Variants in RBM33 observed in about 807,000 individuals in gnomAD.
RBM33 encodes RNA binding motif protein 33, also known as RNA-binding protein 33.
In RBM33, 28 loss-of-function variants were observed where a neutral mutation model predicts 132.6. That is an observed-to-expected ratio of 0.21 (90% CI 0.16 to 0.29). The LOEUF is 0.29. Ranked by LOEUF, RBM33 falls within the 10% of genes least tolerant of loss-of-function variation. The pLI is 1.00. For missense variants in RBM33, 1,291 were observed against 1,518.5 expected, an observed-to-expected ratio of 0.85 and a Z score of 2.49; for synonymous variants, 634 against 593.0, an observed-to-expected ratio of 1.07 and a Z score of -1.01.
At chr7:155,711,146 TTTTG>T (rs1249812239) in intron 7 of RBM33, 53 bp from the exon 8 acceptor site, 1 of 1,444,276 alleles carries the variant, frequency 6.9e-7, no homozygotes, top group East Asian at 2.7e-5. Flanking sequence ...TTCGGTGAAC[TTTTG>T]TTTTTTTTTT....
intron 9 of RBM33, among the ~76,000 whole-genome samples, chr7:155,733,294 G>A (rs574091757): frequency 6.6e-6 from 1 of 152,278 alleles, no homozygotes; most frequent in East Asian, 1.9e-4. Context: ...TAGTAATTTT[G>A]ATAAGATTTC....
intron 3 of RBM33, among the ~76,000 whole-genome samples, chr7:155,677,471 A>G (rs1285945268): frequency 1.3e-5 from 2 of 152,094 alleles, no homozygotes; most frequent in Non-Finnish European, 2.9e-5. Flanking sequence ...TGGCCTCCCA[A>G]AGTGTTGGGA....
At chr7:155,708,767 T>G (rs1443246482) in intron 7 of RBM33, among the ~76,000 whole-genome samples, 1 of 152,228 alleles carries the variant, frequency 6.6e-6, no homozygotes, top group Non-Finnish European at 1.5e-5. Context: ...AGATCAGGAC[T>G]GTGGTATCCT....
chr7:155,655,280 T>G (rs1563128843), intron 1 of RBM33, among the ~76,000 whole-genome samples: 1 of 152,242 alleles, frequency 6.6e-6, no homozygotes, highest in Non-Finnish European at 1.5e-5. Flanking sequence ...TTTAAAATTC[T>G]TATTGCTGCC....
intron 1 of RBM33, among the ~76,000 whole-genome samples, chr7:155,656,989 A>G (rs757521422): frequency 6.7e-6 from 1 of 149,476 alleles, no homozygotes; most frequent in Non-Finnish European, 1.5e-5. Flanking sequence ...CTTGTATGTC[A>G]GTTGTCTAGA....
rs1802229829 is a variant in RBM33, at chr7:155,766,622, G to A, written c.3342G>A (p.Leu1114=). 6.2e-7 allele frequency: 1 copy of A among 1,612,280 alleles called. No homozygotes were observed. Among genetic ancestry groups the A allele is most frequent in the Non-Finnish European group, 8.5e-7 (1 of 1,179,216 alleles). The stretch of plus-strand genomic sequence containing the variant: ...CCTCGTCCACCACGGATGCCCAGCT[G>A]AAGAGCCTGCTGATGTCAGTGGGAC... The part of the protein sequence containing the change: ...GLSSSTTDAQ[L]KSLLMSVGPI... The change falls in exon 16 of 18, where the codon CTG becomes CTA. Residue 1114 remains leucine, a synonymous_variant. Transcript: ENST00000401878.
At position 155,779,938 on chromosome 7, in the gene RBM33, A is replaced by G. The variant is rs1441440444; in HGVS notation, c.*4897A>G. ...GCTTGGTTTTATTTTACTGATTTTA[A>G]AAGGTATATAGAAAAATGTAGGCCT... On this transcript the variant is annotated 3_prime_UTR_variant, in exon 18 of 18. Coordinates refer to ENST00000401878, the MANE Select transcript of RBM33 (RefSeq NM_053043.3). 6.6e-6 allele frequency: 1 copy of G among 152,202 alleles called. No homozygotes were observed. The highest frequency in any genetic ancestry group is 1.5e-5 in the Non-Finnish European group (1 of 68,042). 9.4% of individuals were successfully genotyped at this position (152,202 alleles called of 1,614,324 possible).
intron 15 of RBM33, among the ~76,000 whole-genome samples, chr7:155,764,906 T>G (rs1452094634): frequency 6.6e-6 from 1 of 152,242 alleles, no homozygotes; most frequent in African/African-American, 2.4e-5. Context: ...AAACACTTCA[T>G]GATATGAGAG....
Position 155,644,692 on chromosome 7 carries a change from T to G in RBM33, c.-185T>G. 1.8e-4 allele frequency: 79 copies of G among 429,540 alleles called. No individual in the cohort carries two copies. The highest frequency in any genetic ancestry group is 6.3e-4 in the Middle Eastern group (1 of 1,586). 26.6% of individuals were successfully genotyped at this position (429,540 alleles called of 1,614,324 possible). A position where few individuals can be genotyped will look rare whatever the true frequency, so the allele number is the denominator to read the frequency against. On this transcript the variant is annotated 5_prime_UTR_variant, in exon 1 of 18. Coordinates refer to ENST00000401878, the MANE Select transcript of RBM33 (RefSeq NM_053043.3). The stretch of plus-strand genomic sequence containing the variant: ...GGGCGCGCGGCCATGTTGCGGTAGT[T>G]TGTTGTTTTCTTCCTGCGGAGGCGA...
intron 5 of RBM33, chr7:155,684,909 T>G: frequency 6.5e-7 from 1 of 1,544,558 alleles, no homozygotes; most frequent in Non-Finnish European, 8.7e-7. Flanking sequence ...GAGAAAAACT[T>G]GTTTTCTCTT....
chr7:155,750,494 T>C (rs541922209), intron 14 of RBM33, among the ~76,000 whole-genome samples: 2 of 152,334 alleles, frequency 1.3e-5, no homozygotes, highest in East Asian at 1.9e-4. Context: ...TTAGGGAGAA[T>C]GGTATAGTCT....
intron 5 of RBM33, chr7:155,684,940 A>G (rs1320026567): frequency 1.3e-5 from 20 of 1,550,170 alleles, no homozygotes; most frequent in Non-Finnish European, 1.7e-5. Context: ...TAGGATGAAG[A>G]ATACTTGCAG....
chr7:155,692,910 G>A (rs1050904265), intron 5 of RBM33, among the ~76,000 whole-genome samples: 8 of 152,172 alleles, frequency 5.3e-5, no homozygotes, highest in Non-Finnish European at 8.8e-5. Context: ...GTATAAAAGA[G>A]TAAATCATGG....
At position 155,737,536 on chromosome 7, in the gene RBM33, C is replaced by G; in HGVS notation, c.1267C>G (p.Pro423Ala). 1 of 1,603,236 alleles carries G rather than the reference C, an allele frequency of 6.2e-7. No individual in the cohort carries two copies. Among genetic ancestry groups the G allele is most frequent in the Non-Finnish European group, 8.5e-7 (1 of 1,176,494 alleles). The change falls in exon 10 of 18, where the codon CCA becomes GCA. Residue 423 changes from proline (P) to alanine (A), a missense_variant. Physicochemically the swap from Pro to Ala is conservative, Grantham distance 27. Around this residue, in one of 7 missense-constraint regions of RBM33, gnomAD observed 841 missense variants for 912.0 expected, o/e 0.92. Transcript: ENST00000401878. ...TGTTGTTGTTGTTCTTTAGGGCCCT[C>G]CAGAATTTCCACAGCATACACCTGG... ...AVGPQRFPGPPEFPQHTPGPV... is the reference protein window; with the variant it reads ...AVGPQRFPGPAEFPQHTPGPV...
chr7:155,737,353 C>G (rs1043319085), intron 9 of RBM33, among the ~76,000 whole-genome samples, 177 bp from the exon 10 acceptor site: 14 of 142,842 alleles, frequency 9.8e-5, no homozygotes, highest in South Asian at 2.3e-4. Flanking sequence ...ATGCATGACT[C>G]TGTGTGTGTG....
intron 8 of RBM33, among the ~76,000 whole-genome samples, chr7:155,717,725 T>G (rs1293311430): frequency 6.6e-6 from 1 of 152,238 alleles, no homozygotes; most frequent in African/African-American, 2.4e-5. Context: ...TGATTTAGCC[T>G]CAAGGTGTGA....
intron 5 of RBM33, 86 bp downstream of exon 5, chr7:155,680,994 C>A: frequency 9.1e-7 from 1 of 1,096,926 alleles, no homozygotes; most frequent in Non-Finnish European, 1.3e-6. Context: ...TATTTACCTC[C>A]CCTGGGAGGG....
intron 14 of RBM33, among the ~76,000 whole-genome samples, chr7:155,750,732 T>C (rs2117045529): frequency 7.7e-6 from 1 of 129,688 alleles, no homozygotes. Flanking sequence ...AAGAAAATGG[T>C]TTTTTTTTTT....
At chr7:155,703,905 A>G (rs1800036870) in intron 6 of RBM33, among the ~76,000 whole-genome samples, 1 of 152,206 alleles carries the variant, frequency 6.6e-6, no homozygotes, top group African/African-American at 2.4e-5. Flanking sequence ...TGGGATTAAA[A>G]TATCTTGCCA....
Sources: gnomAD v4.1 joint callset for allele counts (sites outside exome capture counted in the v4.1 genomes callset) on GRCh38, gnomAD v4.1.1 for gene constraint, gnomAD v4.1.1 regional missense constraint, MANE v1.5 for transcripts, NCBI Gene and HGNC (gene_info 2026-07-23, HGNC 2026-07-21) for gene names.